Variants in ZNF567 observed in about 807,000 individuals in gnomAD.
ZNF567 encodes zinc finger protein 567.
A neutral mutation model predicts 53.9 loss-of-function variants in ZNF567; 36 were observed. The ratio of observed to expected loss-of-function variants is 0.67; its 90% CI spans 0.51 to 0.88. The LOEUF (loss-of-function observed/expected upper bound fraction) is 0.88. ZNF567 is among the 40% of genes least tolerant of loss of function. The pLI is 0.00. For missense variants in ZNF567, 619 were observed against 764.7 expected (o/e 0.81, Z 2.25); for synonymous variants, 224 against 260.4 (o/e 0.86, Z 1.35).
upstream of ZNF567, among the ~76,000 whole-genome samples, chr19:36,684,062 T>C (rs2145475845): frequency 6.6e-6 from 1 of 152,188 alleles, no homozygotes; most frequent in East Asian, 1.9e-4. Context: ...AGTAAAACAT[T>C]GCATATAATG....
intron 4 of ZNF567, 131 bp from the exon 5 acceptor site, chr19:36,712,650 A>G (rs1039767361): frequency 8.5e-6 from 12 of 1,409,198 alleles, no homozygotes; most frequent in Non-Finnish European, 1.2e-5. Context: ...GTCTTCACTT[A>G]CCCAGTGCAA....
chr19:36,712,529 T>C lies in ZNF567; in HGVS notation c.136+17T>C, dbSNP rs373208449. On this transcript the variant is annotated intron_variant, in intron 4 of 5. Coordinates refer to ENST00000682579, the MANE Select transcript of ZNF567 (RefSeq NM_001322917.1). ...TCTCTGTGGGTAAGAAAAATCCTCT[T>C]TGAAACTTTAGTAGCATGCACTTCC... The C allele has an allele frequency of 1.2e-6, 2 of 1,614,068 alleles. No homozygotes were observed. The highest frequency in any genetic ancestry group is 1.1e-5 in the South Asian group (1 of 91,054).
At chr19:36,714,521 T>C (rs1454493538) in intron 5 of ZNF567, 2 of 398,422 alleles carry the variant, frequency 5.0e-6, no homozygotes, top group South Asian at 2.5e-4. Context: ...AGAAAATTAT[T>C]GGTTAGTGGT....
At chr19:36,705,359 G>C (rs1362594052) in intron 3 of ZNF567, among the ~76,000 whole-genome samples, 1 of 152,082 alleles carries the variant, frequency 6.6e-6, no homozygotes, top group African/African-American at 2.4e-5. Context: ...ACTATTTAAA[G>C]GGCTCCCAAG....
chr19:36,686,291 C>T (rs1391763113), upstream of ZNF567: 1 of 152,200 alleles, frequency 6.6e-6, no homozygotes, highest in African/African-American at 2.4e-5. Context: ...TTCCTCAGGG[C>T]TCTTAGAGAA....
chr19:36,677,283 C>T, the ZNF567 span, among the ~76,000 whole-genome samples: 1 of 146,518 alleles, frequency 6.8e-6, no homozygotes, highest in Non-Finnish European at 1.5e-5. Context: ...CATAGTGAAA[C>T]CCTGTCTCTA....
At chr19:36,693,479 C>T (rs1289986049) in intron 2 of ZNF567, among the ~76,000 whole-genome samples, 1 of 151,958 alleles carries the variant, frequency 6.6e-6, no homozygotes, top group African/African-American at 2.4e-5. Context: ...AAAAATAAGA[C>T]TTGAATAAAA....
chr19:36,674,126 C>G, the ZNF567 span, among the ~76,000 whole-genome samples: 4 of 152,208 alleles, frequency 2.6e-5, no homozygotes, highest in East Asian at 7.7e-4. Context: ...ATCAGGAATT[C>G]TTCAATGGCA....
At chr19:36,704,734 TCTCTC>T (rs1192896820) in intron 3 of ZNF567, among the ~76,000 whole-genome samples, 1 of 152,202 alleles carries the variant, frequency 6.6e-6, no homozygotes, top group African/African-American at 2.4e-5. Flanking sequence ...TGGGTTGTAT[TCTCTC>T]CTCTTATTAT....
chr19:36,724,014 T>C (rs1246291267), downstream of ZNF567, among the ~76,000 whole-genome samples: 4 of 147,888 alleles, frequency 2.7e-5, no homozygotes, highest in Admixed American at 6.7e-5. Context: ...CTTTTTTTTT[T>C]TTTTTTTTTT....
downstream of ZNF567, among the ~76,000 whole-genome samples, chr19:36,726,132 T>C (rs913114648): frequency 6.6e-6 from 1 of 152,218 alleles, no homozygotes; most frequent in African/African-American, 2.4e-5. Flanking sequence ...TTGGTTATTT[T>C]GTATGTCTTC....
downstream of ZNF567, among the ~76,000 whole-genome samples, chr19:36,725,540 C>CG (rs2040332273): frequency 6.6e-6 from 1 of 152,150 alleles, no homozygotes. Flanking sequence ...CAATGTGTTA[C>CG]GGTGTTACGT....
Position 36,719,996 on chromosome 19 carries a change from T to A in ZNF567, c.1272T>A (p.Asn424Lys). The change falls in exon 6 of 6, where the codon AAT (asparagine) becomes AAA (lysine). Residue 424 changes from asparagine (N) to lysine (K), a missense_variant. Transcript: ENST00000682579. ...CAGGGGAAAAGCCCTATATTTGTAATGAATGTGGGAAATCCTTCTCCCAGA... is the reference window on the plus strand; with the variant it reads ...CAGGGGAAAAGCCCTATATTTGTAAAGAATGTGGGAAATCCTTCTCCCAGA... ...THTGEKPYIC[N>K]ECGKSFSQKT... The A allele has an allele frequency of 1.2e-6, 2 of 1,613,978 alleles. No individual in the cohort carries two copies. Among genetic ancestry groups the A allele is most frequent in the South Asian group, 2.2e-5 (2 of 91,076 alleles).
intron 2 of ZNF567, among the ~76,000 whole-genome samples, chr19:36,694,264 C>T (rs1366607441): frequency 1.3e-5 from 2 of 152,000 alleles, no homozygotes; most frequent in African/African-American, 4.8e-5. Flanking sequence ...TCTAACAATT[C>T]AGAAAATAAA....
rs756113848 is a variant in ZNF567, at chr19:36,719,095, C to T, written c.371C>T (p.Pro124Leu). The T allele has an allele frequency of 6.2e-7, 1 of 1,611,442 alleles. No individual in the cohort carries two copies. Among genetic ancestry groups the T allele is most frequent in the Admixed American group, 1.7e-5 (1 of 59,458 alleles). The change falls in exon 6 of 6, where the codon CCT becomes CTT. Residue 124 changes from proline (P) to leucine (L), a missense_variant. Pro to Leu is a moderately conservative substitution (Grantham distance 98). Transcript: ENST00000682579. ...YEKTFTLGKN[P>L]VNSKNLPPEY... ...AAGACATTTACTCTAGGCAAAAACC[C>T]TGTGAATTCAAAAAATCTACCTCCT...
At chr19:36,677,155 CAAA>C in the ZNF567 span, among the ~76,000 whole-genome samples, 2 of 28,238 alleles carry the variant, frequency 7.1e-5, no homozygotes, top group East Asian at 2.4e-3. Flanking sequence ...AACTCCGTCT[CAAA>C]AAAAAAAAAA....
chr19:36,693,814 G>A (rs1033221775), intron 2 of ZNF567, among the ~76,000 whole-genome samples: 9 of 152,074 alleles, frequency 5.9e-5, no homozygotes, highest in African/African-American at 2.2e-4. Flanking sequence ...TACAGATTCT[G>A]GAGTACTTTG....
At chr19:36,676,717 G>A in the ZNF567 span, among the ~76,000 whole-genome samples, 1 of 152,186 alleles carries the variant, frequency 6.6e-6, no homozygotes, top group Non-Finnish European at 1.5e-5. Context: ...TGATGTCAGA[G>A]CCTAGTCTTG....
the ZNF567 span, among the ~76,000 whole-genome samples, chr19:36,682,465 T>C: frequency 6.6e-6 from 1 of 151,556 alleles, no homozygotes; most frequent in Non-Finnish European, 1.5e-5. Flanking sequence ...AACTATTCTA[T>C]TATAGAGGTC....
Sources: allele counts gnomAD v4.1 joint callset (sites outside exome capture counted in the v4.1 genomes callset), GRCh38; gene constraint gnomAD v4.1.1; transcripts MANE v1.5; gene names NCBI Gene and HGNC (gene_info 2026-07-23, HGNC 2026-07-21).